DHX8: variants seen among roughly 807,000 people sequenced by gnomAD.
DHX8 encodes the protein DEAH-box helicase 8.
Under a neutral mutation model 140.7 loss-of-function variants are expected in DHX8, and 67 were observed. That is an observed-to-expected ratio of 0.48 (90% CI 0.39 to 0.58). The LOEUF is 0.58. Among genes scored for constraint, DHX8 ranks in the 20% least tolerant of loss-of-function variants. The pLI, the probability that DHX8 is intolerant of heterozygous loss-of-function variation, is 0.00. For synonymous variants in DHX8, 533 were observed against 553.2 expected (o/e 0.96, Z 0.51); for missense variants, 887 against 1,550.7 (o/e 0.57, Z 7.19).
chr17:43,536,601 G>A (rs1971255322), intron 3 of DHX8: 1 of 754,948 alleles, frequency 1.3e-6, no homozygotes, highest in African/African-American at 1.7e-5. Flanking sequence ...TTAGATCAGG[G>A]GTGTCCACAT....
chr17:43,534,035 G>T, intron 2 of DHX8: 6 of 1,452,016 alleles, frequency 4.1e-6, no homozygotes, highest in Non-Finnish European at 4.5e-6. Context: ...CACACAAGAG[G>T]CAGGCAGGGC....
chr17:43,499,102 T>C (rs1339747418), intron 10 of DHX8, 143 bp downstream of exon 10: 1 of 602,030 alleles, frequency 1.7e-6, no homozygotes, highest in Non-Finnish European at 2.8e-6. Flanking sequence ...ATAATAGTTT[T>C]ATTTTAAATG....
At chr17:43,541,165 G>C (rs1971500377) in intron 3 of DHX8, among the ~76,000 whole-genome samples, 1 of 152,156 alleles carries the variant, frequency 6.6e-6, no homozygotes, top group Non-Finnish European at 1.5e-5. Flanking sequence ...ATCTGTCCTA[G>C]CTCAGCCCCT....
chr17:43,491,680 A>C (rs1259538346), intron 4 of DHX8, among the ~76,000 whole-genome samples: 1 of 152,190 alleles, frequency 6.6e-6, no homozygotes, highest in Non-Finnish European at 1.5e-5. Context: ...AACAGACAAG[A>C]GTTTCAGCCT....
At position 43,492,784 on chromosome 17, in the gene DHX8, C is replaced by T. The variant is rs999245205; in HGVS notation, c.607C>T (p.Arg203Ter). 1.5e-5 allele frequency: 24 copies of T among 1,613,914 alleles called. No homozygotes were observed. The highest frequency in any genetic ancestry group is 1.8e-5 in the Non-Finnish European group (21 of 1,180,010). The change falls in exon 6 of 23, where the codon CGA becomes TGA. Residue 203 changes from arginine (R) to a stop codon, truncating the protein, a stop_gained. Transcript: ENST00000262415. LOFTEE classifies it high-confidence loss of function. ...AGATAGAGACCACAAGCGGAGACAC[C>T]GATCCCGCTCTCGATCACGTTCCAG... The part of the protein sequence containing the change: ...NRDRDHKRRH[R>*]SRSRSRSRTR...
chr17:43,532,848 G>A, intron 2 of DHX8: 1 of 1,613,682 alleles, frequency 6.2e-7, no homozygotes, highest in South Asian at 1.1e-5. Context: ...GGCTCCGACA[G>A]CTGGTGTTGG....
chr17:43,525,991 C>A, downstream of DHX8: 3 of 985,370 alleles, frequency 3.0e-6, no homozygotes, highest in Non-Finnish European at 3.6e-6. Context: ...AAGAAGGATC[C>A]CCATTCTGTG....
chr17:43,529,620 G>A (rs746787291), downstream of DHX8: 18 of 1,613,944 alleles, frequency 1.1e-5, no homozygotes, highest in Admixed American at 1.7e-5. Context: ...AGGGCACCCC[G>A]GCGCTGGTAG....
intron 2 of DHX8, among the ~76,000 whole-genome samples, chr17:43,490,169 C>T (rs1007447931): frequency 1.3e-5 from 2 of 152,120 alleles, no homozygotes; most frequent in African/African-American, 2.4e-5. Flanking sequence ...TTGCAGGGAG[C>T]CTAATAACTT....
intron 19 of DHX8, 63 bp from the exon 20 acceptor site, chr17:43,520,688 C>G: frequency 1.2e-6 from 2 of 1,608,250 alleles, no homozygotes; most frequent in South Asian, 1.1e-5. Flanking sequence ...CAAGGTCTTG[C>G]TCTGGTGAAT....
chr17:43,525,399 C>A lies in DHX8; in HGVS notation c.*1552C>A. 1.0e-6 allele frequency: 1 copy of A among 981,156 alleles called. No individual in the cohort carries two copies. Among genetic ancestry groups the A allele is most frequent in the Non-Finnish European group, 1.2e-6 (1 of 826,074 alleles). The allele number at this position is 981,156 out of a possible 1,614,324, so 60.8% of individuals were successfully genotyped here. A position where few individuals can be genotyped will look rare whatever the true frequency, so the allele number is the denominator to read the frequency against. On this transcript the variant is annotated 3_prime_UTR_variant, in exon 23 of 23. Coordinates refer to ENST00000262415, the MANE Select transcript of DHX8 (RefSeq NM_004941.3). ...ACCCTAAAGACAATTCAGAAAGAGT[C>A]CGAGGGAGAGGAATATAGGCCAGGC...
chr17:43,529,910 ACAT>A (rs764004129), downstream of DHX8: 14 of 1,614,164 alleles, frequency 8.7e-6, no homozygotes, highest in South Asian at 1.3e-4. Context: ...GACAACGCAG[ACAT>A]CATCTGGGAA....
chr17:43,508,171 G>T (rs1969597217), intron 15 of DHX8, 152 bp downstream of exon 15: 6 of 1,152,122 alleles, frequency 5.2e-6, no homozygotes, highest in Middle Eastern at 2.9e-4. Context: ...TGTTTGAAAT[G>T]ATGGTGGTTA....
rs757718456 is a variant in DHX8 at position 43,533,276 on chromosome 17, C to T, written c.351-3136C>T. 2.5e-5 allele frequency: 40 copies of T among 1,613,726 alleles called. 1 individual carries two copies. The South Asian group carries it at 4.2e-4, about 17-fold the overall frequency. On this transcript the variant is annotated intron_variant, in intron 2 of 3. Coordinates refer to the DHX8 transcript ENST00000589898. ...TCCGTTGCTCTGCCCGGGGAAAGGGCTGTAGGGGCGACTGTCCAAGGGCAC... is the reference window on the plus strand; with the variant it reads ...TCCGTTGCTCTGCCCGGGGAAAGGGTTGTAGGGGCGACTGTCCAAGGGCAC...
At chr17:43,493,391 G>C (rs1255912580) in intron 6 of DHX8, 54 bp from the exon 7 acceptor site, 4 of 1,596,044 alleles carry the variant, frequency 2.5e-6, no homozygotes, top group Admixed American at 1.7e-5. Context: ...GTAGAAATTG[G>C]TTGGGGGAAA....
Position 43,524,630 on chromosome 17 carries a change from T to C in DHX8, c.*783T>C. ...GATGGCACATATTAAATACAGAAGG[T>C]TTCCCCTTGCTCCCTCCACCTCCCA... On this transcript the variant is annotated 3_prime_UTR_variant, in exon 23 of 23. Transcript: ENST00000262415. 1 of 985,460 alleles carries C rather than the reference T, an allele frequency of 1.0e-6. No individual in the cohort carries two copies. The highest frequency in any genetic ancestry group is 1.7e-5 in the African/African-American group (1 of 57,344). 61.0% of individuals were successfully genotyped at this position (985,460 alleles called of 1,614,324 possible).
intron 16 of DHX8, among the ~76,000 whole-genome samples, chr17:43,509,854 A>G (rs1969717927): frequency 6.6e-6 from 1 of 151,812 alleles, no homozygotes; most frequent in Non-Finnish European, 1.5e-5. Context: ...TTTTTAGTAG[A>G]GATGGGGTTT....
intron 8 of DHX8, among the ~76,000 whole-genome samples, chr17:43,495,114 T>C (rs921195804): frequency 6.6e-6 from 1 of 152,212 alleles, no homozygotes; most frequent in East Asian, 1.9e-4. Context: ...GTGCCCAGCC[T>C]ATTGTTTTCA....
At chr17:43,536,494 C>T (rs777160927) in exon 3 of DHX8, 1 of 1,614,094 alleles carries the variant, frequency 6.2e-7, no homozygotes, top group Non-Finnish European at 8.5e-7. Flanking sequence ...AGAGAGAAGT[C>T]AGAGGTGAGT....
Sources: allele counts gnomAD v4.1 joint callset (sites outside exome capture counted in the v4.1 genomes callset), GRCh38; gene constraint gnomAD v4.1.1; transcripts MANE v1.5; gene names NCBI Gene and HGNC (gene_info 2026-07-23, HGNC 2026-07-21).